The following PSPC1 variants were observed in gnomAD, a reference collection of about 807,000 sequenced individuals.
The protein encoded by PSPC1 is paraspeckle component 1.
A neutral mutation model predicts 51.6 loss-of-function variants in PSPC1; 14 were observed. That is an observed-to-expected ratio of 0.27 (90% CI 0.18 to 0.42). PSPC1 has a LOEUF of 0.42. Among genes scored for constraint, PSPC1 ranks in the 10% least tolerant of loss-of-function variants. PSPC1 has a pLI of 1.00. For synonymous variants in PSPC1, 193 were observed against 231.9 expected (o/e 0.83, Z 1.53); for missense variants, 406 against 701.1 (o/e 0.58, Z 4.75).
downstream of PSPC1, chr13:19,672,632 G>C (rs1876200145): frequency 6.5e-6 from 1 of 154,458 alleles, no homozygotes; most frequent in African/African-American, 2.4e-5. Context: ...TGGGAGGCCT[G>C]ATCTTTTTCT....
At chr13:19,738,885 G>A (rs1241112411) in intron 5 of PSPC1, among the ~76,000 whole-genome samples, 7 of 146,694 alleles carry the variant, frequency 4.8e-5, no homozygotes, top group South Asian at 2.1e-4. Flanking sequence ...CAGCCTGGGC[G>A]ACAGAGCGAG....
intron 7 of PSPC1, among the ~76,000 whole-genome samples, chr13:19,707,365 A>C (rs1880822382): frequency 6.6e-6 from 1 of 152,224 alleles, no homozygotes; most frequent in Non-Finnish European, 1.5e-5. Context: ...AAAAAATGTT[A>C]GCATTATCTG....
intron 5 of PSPC1, among the ~76,000 whole-genome samples, chr13:19,734,639 T>C (rs765216347): frequency 2.3e-4 from 35 of 152,184 alleles, no homozygotes; most frequent in African/African-American, 7.7e-4. Flanking sequence ...CTGTCTCTAC[T>C]ACAACTACAA....
chr13:19,735,014 G>C (rs1219071043), intron 5 of PSPC1, among the ~76,000 whole-genome samples: 1 of 148,832 alleles, frequency 6.7e-6, no homozygotes, highest in Non-Finnish European at 1.5e-5. Context: ...AAAAAACAAA[G>C]AAAGGAAGGA....
intron 3 of PSPC1, among the ~76,000 whole-genome samples, chr13:19,753,222 A>G (rs9508874): frequency 0.91 from 135,992 of 149,358 alleles, 63,289 homozygotes; most frequent in Non-Finnish European, 1. Flanking sequence ...GACGGAGGTT[A>G]CAGTGAGCCG....
downstream of PSPC1, among the ~76,000 whole-genome samples, chr13:19,702,004 G>C (rs1168514159): frequency 3.3e-5 from 5 of 152,086 alleles, no homozygotes; most frequent in African/African-American, 1.2e-4. Flanking sequence ...ATCAAAATAG[G>C]TATTTGATAG....
chr13:19,740,839 C>G (rs1381133927), intron 5 of PSPC1, among the ~76,000 whole-genome samples: 1 of 151,980 alleles, frequency 6.6e-6, no homozygotes, highest in Non-Finnish European at 1.5e-5. Context: ...ATTTTAAGTC[C>G]CCATAACCCC....
intron 3 of PSPC1, among the ~76,000 whole-genome samples, chr13:19,758,947 T>C (rs952863223): frequency 2.0e-5 from 3 of 151,636 alleles, no homozygotes; most frequent in African/African-American, 4.9e-5. Flanking sequence ...GTTATAAAAG[T>C]AGACATTTCT....
At chr13:19,752,775 A>G (rs981214293) in intron 3 of PSPC1, among the ~76,000 whole-genome samples, 1 of 151,762 alleles carries the variant, frequency 6.6e-6, no homozygotes, top group Non-Finnish European at 1.5e-5. Flanking sequence ...TTTAGTAGAG[A>G]CGGGGTTTCA....
chr13:19,691,738 GTGA>G (rs1878577217), intron 6 of PSPC1, among the ~76,000 whole-genome samples: 2 of 152,214 alleles, frequency 1.3e-5, no homozygotes, highest in Admixed American at 1.3e-4. Context: ...GGCCAACATG[GTGA>G]AACCTCATCC....
At chr13:19,696,720 G>A (rs1232890255) in intron 6 of PSPC1, among the ~76,000 whole-genome samples, 2 of 152,062 alleles carry the variant, frequency 1.3e-5, no homozygotes, top group Non-Finnish European at 2.9e-5. Flanking sequence ...AGTAAAGACA[G>A]GACAGTTTTC....
At chr13:19,744,720 G>A (rs1383501954) in intron 4 of PSPC1, among the ~76,000 whole-genome samples, 3 of 151,940 alleles carry the variant, frequency 2.0e-5, no homozygotes, top group African/African-American at 7.3e-5. Flanking sequence ...GCCCACAACC[G>A]CGCCCAGCTA....
downstream of PSPC1, among the ~76,000 whole-genome samples, chr13:19,673,933 TGACTGAGGACACA>T (rs749022519): frequency 2.6e-5 from 4 of 152,248 alleles, no homozygotes; most frequent in Non-Finnish European, 5.9e-5. Context: ...ACAGCTTATG[TGACTGAGGACACA>T]GACCTAGTCA....
intron 2 of PSPC1, among the ~76,000 whole-genome samples, chr13:19,767,972 C>T (rs1263902107): frequency 1.3e-5 from 2 of 152,094 alleles, no homozygotes; most frequent in Non-Finnish European, 2.9e-5. Context: ...AATTCCAGCA[C>T]TTTGGGAGGC....
chr13:19,730,957 C>CAAAAAAAAAAAAAAAAAAAAAAAAAA (rs1483772556), intron 5 of PSPC1, among the ~76,000 whole-genome samples: 1 of 36,956 alleles, frequency 2.7e-5, no homozygotes, highest in Non-Finnish European at 5.4e-5. Flanking sequence ...AAAAAAAAAA[C>CAAAAAAAAAAAAAAAAAAAAAAAAAA]AAAAAAACAA....
intron 6 of PSPC1, among the ~76,000 whole-genome samples, chr13:19,695,007 A>C (rs1424694776): frequency 6.6e-6 from 1 of 152,222 alleles, no homozygotes; most frequent in Non-Finnish European, 1.5e-5. Flanking sequence ...TTCAAACTGC[A>C]AGAAACTACA....
At chr13:19,681,757 G>A (rs892251532) in intron 6 of PSPC1, among the ~76,000 whole-genome samples, 2 of 152,142 alleles carry the variant, frequency 1.3e-5, no homozygotes, top group Admixed American at 1.3e-4. Context: ...ATCTTATACC[G>A]AGGAGTGTTT....
At chr13:19,685,053 C>T (rs1333451523) in intron 6 of PSPC1, among the ~76,000 whole-genome samples, 2 of 152,140 alleles carry the variant, frequency 1.3e-5, no homozygotes, top group African/African-American at 2.4e-5. Context: ...GAAATTTAGA[C>T]TATATAGACC....
intron 5 of PSPC1, among the ~76,000 whole-genome samples, chr13:19,733,788 T>A (rs9550587): frequency 0.71 from 91,469 of 128,762 alleles, 29,776 homozygotes; most frequent in East Asian, 0.89. Context: ...GAAAAAAAAA[T>A]ATATATATAT....
Sources: allele counts gnomAD v4.1 joint callset (sites outside exome capture counted in the v4.1 genomes callset), GRCh38; gene constraint gnomAD v4.1.1; transcripts MANE v1.5; gene names NCBI Gene and HGNC (gene_info 2026-07-23, HGNC 2026-07-21).